The following MAPK8 variants were observed in gnomAD, a reference collection of about 807,000 sequenced individuals.
MAPK8 encodes the protein mitogen-activated protein kinase 8.
Under a neutral mutation model 52.9 loss-of-function variants are expected in MAPK8, and 13 were observed. The observed-to-expected ratio is 0.25, with a 90% confidence interval of 0.16 to 0.39. MAPK8 has a LOEUF of 0.39. Ranked by LOEUF, MAPK8 falls within the 10% of genes least tolerant of loss-of-function variation. The pLI is 1.00. For missense variants in MAPK8, 300 were observed against 519.2 expected (o/e 0.58, Z 4.10); for synonymous variants, 191 against 169.8 (o/e 1.12, Z -0.97).
At chr10:48,314,934 A>C (rs1842351508) in intron 1 of MAPK8, among the ~76,000 whole-genome samples, 1 of 152,196 alleles carries the variant, frequency 6.6e-6, no homozygotes, top group Non-Finnish European at 1.5e-5. Context: ...TCCCTACACC[A>C]TTTATTAAAT....
chr10:48,409,558 G>A (rs542132745), intron 3 of MAPK8, among the ~76,000 whole-genome samples: 1 of 152,154 alleles, frequency 6.6e-6, no homozygotes, highest in Admixed American at 6.5e-5. Context: ...AATTGGAAAA[G>A]AACTGGTAGA....
chr10:48,431,353 C>T, intron 11 of MAPK8, 83 bp downstream of exon 11: 2 of 848,944 alleles, frequency 2.4e-6, no homozygotes, highest in East Asian at 5.1e-5. Flanking sequence ...TGCAGTTCTT[C>T]CCATATTTAC....
rs552110989 is a variant in MAPK8, at chr10:48,364,438, TA to T, written c.-49-37163del. Among the ~76,000 whole-genome samples, 1,122 of 147,052 alleles carry T rather than the reference TA, an allele frequency of 7.6e-3. 6 individuals are homozygous for T. Among genetic ancestry groups the T allele is most frequent in the South Asian group, 0.018 (86 of 4,670 alleles). On this transcript the variant is annotated intron_variant, in intron 1 of 11. Transcript: ENST00000374189. ...CCTGTTGATATTGCCTGAAAAAATT[TA>T]AAAAAAAAAACTGAATTCTTTAGAA...
At chr10:48,309,404 C>T (rs780084028) in intron 1 of MAPK8, among the ~76,000 whole-genome samples, 8 of 152,046 alleles carry the variant, frequency 5.3e-5, no homozygotes, top group Non-Finnish European at 7.4e-5. Flanking sequence ...AAATATATTC[C>T]TTTAGTAAGT....
chr10:48,364,952 A>G (rs1266208162), intron 1 of MAPK8, among the ~76,000 whole-genome samples: 4 of 152,180 alleles, frequency 2.6e-5, no homozygotes, highest in Non-Finnish European at 5.9e-5. Flanking sequence ...TTCCAGAGAA[A>G]GTGTTTGCAC....
rs189627779 is a variant in MAPK8, at chr10:48,398,240, T to A, written c.-49-3372T>A. Reference sequence around the variant, plus strand: ...CAAAACATCTGACAAAGGATGTGTATCTAGAATGTATAGTCTTAAAACTCA... The same window carrying A: ...CAAAACATCTGACAAAGGATGTGTAACTAGAATGTATAGTCTTAAAACTCA... On this transcript the variant is annotated intron_variant, in intron 1 of 11. Transcript: ENST00000374189. Among the ~76,000 whole-genome samples, 150 of 152,204 alleles carry A rather than the reference T, an allele frequency of 9.9e-4. 1 individual carries two copies. The highest frequency in any genetic ancestry group is 3.5e-3 in the African/African-American group (147 of 41,528).
chr10:48,356,172 CAG>C (rs1589050328), intron 1 of MAPK8, among the ~76,000 whole-genome samples: 2 of 152,086 alleles, frequency 1.3e-5, no homozygotes, highest in Admixed American at 6.5e-5. Context: ...TTTTATAAAA[CAG>C]TAATCATTTT....
intron 1 of MAPK8, among the ~76,000 whole-genome samples, chr10:48,400,382 T>A (rs1275825537): frequency 6.6e-6 from 1 of 152,188 alleles, no homozygotes; most frequent in Non-Finnish European, 1.5e-5. Flanking sequence ...CCTGTTTAGT[T>A]TTGTTTATTT....
At chr10:48,349,861 G>A (rs181258446) in intron 1 of MAPK8, among the ~76,000 whole-genome samples, 6 of 152,226 alleles carry the variant, frequency 3.9e-5, no homozygotes, top group African/African-American at 1.4e-4. Context: ...TAACAAAATA[G>A]ACTGCTAGTC....
At chr10:48,321,781 A>G (rs1277725270) in intron 1 of MAPK8, among the ~76,000 whole-genome samples, 1 of 152,116 alleles carries the variant, frequency 6.6e-6, no homozygotes, top group East Asian at 1.9e-4. Context: ...TTTCTTACCA[A>G]ATTGTCTTGG....
intron 10 of MAPK8, among the ~76,000 whole-genome samples, chr10:48,429,162 T>A (rs1292522265): frequency 6.6e-6 from 1 of 152,250 alleles, no homozygotes; most frequent in African/African-American, 2.4e-5. Flanking sequence ...GGGGTCTCAC[T>A]GTGTTGTCCA....
intron 1 of MAPK8, among the ~76,000 whole-genome samples, chr10:48,358,325 T>G (rs1320260895): frequency 6.6e-6 from 1 of 152,246 alleles, no homozygotes; most frequent in African/African-American, 2.4e-5. Flanking sequence ...TGGTCAGAGC[T>G]TGTTACTTTC....
At chr10:48,373,458 TAA>T (rs756041419) in intron 1 of MAPK8, among the ~76,000 whole-genome samples, 3 of 149,394 alleles carry the variant, frequency 2.0e-5, no homozygotes, top group South Asian at 2.1e-4. Context: ...GCAAATTCGT[TAA>T]AGAGTCAAGA....
At chr10:48,335,646 C>T (rs1844615665) in intron 1 of MAPK8, among the ~76,000 whole-genome samples, 3 of 152,246 alleles carry the variant, frequency 2.0e-5, no homozygotes, top group Admixed American at 2.0e-4. Context: ...GCCCAAATAA[C>T]ATAGTTTGTG....
At chr10:48,407,359 T>C (rs2042530198) in intron 3 of MAPK8, among the ~76,000 whole-genome samples, 1 of 152,228 alleles carries the variant, frequency 6.6e-6, no homozygotes, top group Non-Finnish European at 1.5e-5. Context: ...TCATATACTG[T>C]GTCTGGTTGC....
intron 10 of MAPK8, 103 bp downstream of exon 10, chr10:48,427,246 A>G: frequency 1.4e-6 from 1 of 701,858 alleles, no homozygotes; most frequent in South Asian, 1.7e-5. Context: ...TAATATGCAT[A>G]ACCGAAATGT....
chr10:48,330,676 T>C (rs1035552959), intron 1 of MAPK8, among the ~76,000 whole-genome samples: 3 of 152,130 alleles, frequency 2.0e-5, no homozygotes, highest in Admixed American at 2.0e-4. Context: ...CAGCAGGTAA[T>C]TTATCTCCTA....
At position 48,382,906 on chromosome 10, in the gene MAPK8, GTA is replaced by G. The variant is rs1219081929; in HGVS notation, c.-49-18694_-49-18693del. Among the ~76,000 whole-genome samples the G allele has an allele frequency of 3.4e-3, 451 of 133,754 alleles. 5 individuals are homozygous for G. The highest frequency in any genetic ancestry group is 0.012 in the African/African-American group (435 of 37,190). 87.7% of individuals were successfully genotyped at this position (133,754 alleles called of 152,430 possible). A position where few individuals can be genotyped will look rare whatever the true frequency, so the allele number is the denominator to read the frequency against. ...GCTATGTGTATATATATAGCTATGT[GTA>G]TATATATATATGTATATATATATAG... On this transcript the variant is annotated intron_variant, in intron 1 of 11. Coordinates refer to ENST00000374189, the MANE Select transcript of MAPK8 (RefSeq NM_001323329.2).
chr10:48,327,191 T>A (rs948096328), intron 1 of MAPK8, among the ~76,000 whole-genome samples: 4 of 152,198 alleles, frequency 2.6e-5, no homozygotes, highest in African/African-American at 4.8e-5. Context: ...AGTACTATGT[T>A]CACTGTAGAG....
Sources: allele counts gnomAD v4.1 joint callset (sites outside exome capture counted in the v4.1 genomes callset), GRCh38; gene constraint gnomAD v4.1.1; transcripts MANE v1.5; gene names NCBI Gene and HGNC (gene_info 2026-07-23, HGNC 2026-07-21).